Variants in CTNNA2 observed in about 807,000 individuals in gnomAD.
CTNNA2 encodes catenin alpha-2.
A neutral mutation model predicts 101.0 loss-of-function variants in CTNNA2; 42 were observed. That is an observed-to-expected ratio of 0.42 (90% CI 0.32 to 0.54). The LOEUF is 0.54. CTNNA2 is among the 20% of genes least tolerant of loss of function. CTNNA2 has a pLI of 0.14. For missense variants in CTNNA2, 871 were observed against 1,223.1 expected, an observed-to-expected ratio of 0.71 and a Z score of 4.29; for synonymous variants, 450 against 456.4, an observed-to-expected ratio of 0.99 and a Z score of 0.18.
intron 3 of CTNNA2, among the ~76,000 whole-genome samples, chr2:79,747,865 A>G (rs901867943): frequency 1.3e-5 from 2 of 152,206 alleles, no homozygotes; most frequent in Non-Finnish European, 2.9e-5. Flanking sequence ...TGTAACCTGT[A>G]TAAAACTCAA....
rs557246630 is a variant in CTNNA2 at position 80,564,159 on chromosome 2, AAATT to A, written c.1741+8267_1741+8270del. Reference sequence around the variant, plus strand: ...AAGAATCTTTTAAGTTATGTGCAATAAATTTTTAGCAAGCACTTTATTACATCTT... The same window carrying A: ...AAGAATCTTTTAAGTTATGTGCAATATTTAGCAAGCACTTTATTACATCTT... On this transcript the variant is annotated intron_variant, in intron 12 of 18. Transcript: ENST00000402739. 7.4e-4 allele frequency among the ~76,000 whole-genome samples: 112 copies of A among 152,290 alleles called. No individual in the cohort carries two copies. The South Asian group carries it at 0.014, about 19-fold the overall frequency.
In CTNNA2 at chr2:80,302,536, C is replaced by T. The variant is rs201325455; in HGVS notation, c.1057-90675C>T. On this transcript the variant is annotated intron_variant, in intron 7 of 18. Transcript: ENST00000402739. This position sits in a 1 kb window ranked among gnomAD's most constrained non-coding sequence, Gnocchi z 6.4. ...AGATGAGGGCCATGGTGCCCGTGACCACCTTGTGGATCTGCACGGCGTTCT... is the reference window on the plus strand; with the variant it reads ...AGATGAGGGCCATGGTGCCCGTGACTACCTTGTGGATCTGCACGGCGTTCT... 1.7e-5 allele frequency: 28 copies of T among 1,611,410 alleles called. No individual in the cohort carries two copies. In the Admixed American group the frequency reaches 4.0e-4, roughly 23 times the overall value.
At chr2:80,421,501 C>T (rs926709259) in intron 9 of CTNNA2, among the ~76,000 whole-genome samples, 1 of 152,180 alleles carries the variant, frequency 6.6e-6, no homozygotes, top group Non-Finnish European at 1.5e-5. Context: ...CTGTGACAGG[C>T]GCTGGACACA....
intron 2 of CTNNA2, among the ~76,000 whole-genome samples, chr2:79,204,978 T>C (rs1213199270): frequency 6.6e-6 from 1 of 152,240 alleles, no homozygotes; most frequent in Non-Finnish European, 1.5e-5. Context: ...GGAGTGGCAA[T>C]AACATTCACA....
intron 7 of CTNNA2, among the ~76,000 whole-genome samples, chr2:80,051,027 A>G (rs944825148): frequency 6.6e-6 from 1 of 152,154 alleles, no homozygotes; most frequent in African/African-American, 2.4e-5. Flanking sequence ...CACCTAGCCG[A>G]GACTTCTGTA....
At chr2:79,775,151 A>G (rs1179967991) in intron 3 of CTNNA2, among the ~76,000 whole-genome samples, 1 of 152,204 alleles carries the variant, frequency 6.6e-6, no homozygotes, top group East Asian at 1.9e-4. Flanking sequence ...CAAGGCATGA[A>G]TGACAGTTGG....
chr2:79,396,833 C>T (rs1678238754), intron 4 of CTNNA2, among the ~76,000 whole-genome samples: 1 of 152,162 alleles, frequency 6.6e-6, no homozygotes, highest in Non-Finnish European at 1.5e-5. Context: ...ATAACAATCT[C>T]TTTCCTAATC....
At chr2:79,406,578 C>A (rs1489811075) in intron 4 of CTNNA2, among the ~76,000 whole-genome samples, 1 of 151,988 alleles carries the variant, frequency 6.6e-6, no homozygotes, top group Admixed American at 6.6e-5. Flanking sequence ...CTTAGGGCAG[C>A]TGAATATCAT....
chr2:80,305,450 T>G (rs1676841177), intron 7 of CTNNA2: 1 of 890,950 alleles, frequency 1.1e-6, no homozygotes, highest in Non-Finnish European at 1.3e-6. Context: ...GGGCTTACCC[T>G]GACTTGTGCT....
intron 7 of CTNNA2, among the ~76,000 whole-genome samples, chr2:79,996,663 C>G (rs1247770761): frequency 6.6e-6 from 1 of 152,172 alleles, no homozygotes; most frequent in Non-Finnish European, 1.5e-5. Flanking sequence ...AATTGAGCCC[C>G]TTTGGAAAAG....
chr2:80,296,639 A>T (rs544814402), intron 7 of CTNNA2, among the ~76,000 whole-genome samples: 1 of 152,316 alleles, frequency 6.6e-6, no homozygotes, highest in African/African-American at 2.4e-5. Context: ...ATTCCTTGTA[A>T]AGCTGAAGCA....
intron 18 of CTNNA2, among the ~76,000 whole-genome samples, chr2:80,633,634 G>T (rs560417676): frequency 4.7e-4 from 71 of 152,264 alleles, no homozygotes; most frequent in Admixed American, 1.6e-3. Context: ...GTTCTACCCA[G>T]AAATGAATTT....
intron 1 of CTNNA2, among the ~76,000 whole-genome samples, chr2:79,623,605 G>A (rs1056332630): frequency 6.6e-6 from 1 of 151,942 alleles, no homozygotes; most frequent in Non-Finnish European, 1.5e-5. Context: ...TGTGCTTTCC[G>A]GATTCCAAAT....
intron 3 of CTNNA2, among the ~76,000 whole-genome samples, chr2:79,350,175 T>C (rs1484873748): frequency 6.6e-6 from 1 of 152,022 alleles, no homozygotes; most frequent in Non-Finnish European, 1.5e-5. Flanking sequence ...TGTGGAGCTT[T>C]GTTAAATAGA....
At chr2:79,714,421 A>G (rs1322706628) in intron 2 of CTNNA2, among the ~76,000 whole-genome samples, 4 of 152,108 alleles carry the variant, frequency 2.6e-5, no homozygotes, top group African/African-American at 9.7e-5. Flanking sequence ...TGTCTTCCTG[A>G]TCTCAATTCT....
chr2:79,726,855 G>A (rs925569219), intron 2 of CTNNA2, among the ~76,000 whole-genome samples: 4 of 152,140 alleles, frequency 2.6e-5, no homozygotes, highest in Admixed American at 6.5e-5. Flanking sequence ...AAATATATCA[G>A]ACTTCAGACT....
intron 6 of CTNNA2, among the ~76,000 whole-genome samples, chr2:79,885,379 G>A (rs1345663059): frequency 1.3e-5 from 2 of 152,172 alleles, no homozygotes; most frequent in African/African-American, 4.8e-5. Flanking sequence ...AGATACTGCT[G>A]TGTAAGCTCT....
intron 5 of CTNNA2, among the ~76,000 whole-genome samples, chr2:79,871,171 C>G (rs2104031708): frequency 6.6e-6 from 1 of 152,296 alleles, no homozygotes; most frequent in African/African-American, 2.4e-5. Flanking sequence ...AACTTTCTCT[C>G]TGACCAACAG....
intron 3 of CTNNA2, among the ~76,000 whole-genome samples, chr2:79,803,575 G>A (rs1292387305): frequency 4.6e-5 from 7 of 152,372 alleles, no homozygotes; most frequent in East Asian, 1.9e-4. Flanking sequence ...GCAGTTTTCC[G>A]CCCTGGGCGG....
Sources: gnomAD v4.1 joint callset for allele counts (sites outside exome capture counted in the v4.1 genomes callset) on GRCh38, gnomAD v4.1.1 for gene constraint, Gnocchi (gnomAD v3.1) non-coding constraint, MANE v1.5 for transcripts, NCBI Gene and HGNC (gene_info 2026-07-23, HGNC 2026-07-21) for gene names.